The following BRINP3 variants were observed in gnomAD, a reference collection of about 807,000 sequenced individuals.
The protein encoded by BRINP3 is BMP/retinoic acid-inducible neural-specific protein 3.
A neutral mutation model predicts 71.0 loss-of-function variants in BRINP3; 19 were observed. The observed-to-expected ratio is 0.27, with a 90% CI of 0.19 to 0.39. The LOEUF (loss-of-function observed/expected upper bound fraction) is 0.39. BRINP3 is among the 10% of genes least tolerant of loss of function. BRINP3 has a pLI of 1.00. For missense variants in BRINP3, 959 were observed against 940.8 expected, an observed-to-expected ratio of 1.02 and a Z score of -0.25; for synonymous variants, 380 against 337.7, an observed-to-expected ratio of 1.13 and a Z score of -1.37.
chr1:190,208,516 A>T (rs974096211), intron 6 of BRINP3, among the ~76,000 whole-genome samples: 1 of 151,872 alleles, frequency 6.6e-6, no homozygotes, highest in Non-Finnish European at 1.5e-5. Context: ...TTTTTGAGAC[A>T]GTCTCTTGCT....
At chr1:190,390,415 C>A (rs898485725) in intron 2 of BRINP3, among the ~76,000 whole-genome samples, 18 of 151,772 alleles carry the variant, frequency 1.2e-4, no homozygotes, top group African/African-American at 4.1e-4. Flanking sequence ...GGGCAACCTT[C>A]CCCTCTGGGT....
intron 3 of BRINP3, 45 bp from the exon 4 acceptor site, chr1:190,265,100 C>A (rs767080734): frequency 6.6e-7 from 1 of 1,511,490 alleles, no homozygotes; most frequent in Admixed American, 2.1e-5. Flanking sequence ...CACTTAAAAT[C>A]TTTTTTTTTA....
chr1:190,160,203 T>C (rs184361603), intron 7 of BRINP3, among the ~76,000 whole-genome samples: 367 of 152,200 alleles, frequency 2.4e-3, no homozygotes, highest in Non-Finnish European at 4.5e-3. Context: ...GCTTTCATAG[T>C]AATTTTCAGA....
chr1:190,098,714 G>A lies in BRINP3; in HGVS notation c.1605C>T (p.Leu535=). 1 of 1,614,196 alleles carries A rather than the reference G, an allele frequency of 6.2e-7. No homozygotes were observed. Among genetic ancestry groups the A allele is most frequent in the Non-Finnish European group, 8.5e-7 (1 of 1,180,046 alleles). The change falls in exon 8 of 8, where the codon CTC becomes CTT. Residue 535 remains leucine (L), a synonymous_variant. Coordinates refer to ENST00000367462, the MANE Select transcript of BRINP3 (RefSeq NM_199051.3). ...FDPSWRKRML[L]TLKSNKYKSS... is the part of the protein sequence containing the mutation. Reference sequence around the variant, plus strand: ...ACTTGTACTTATTGCTCTTCAAGGTGAGGAGCATCCGCTTACGCCAGGAGG... The same window carrying A: ...ACTTGTACTTATTGCTCTTCAAGGTAAGGAGCATCCGCTTACGCCAGGAGG...
At chr1:190,434,364 C>T in intron 2 of BRINP3, among the ~76,000 whole-genome samples, 1 of 151,970 alleles carries the variant, frequency 6.6e-6, no homozygotes, top group South Asian at 2.1e-4. Context: ...CCCACCTTGG[C>T]TTCCCAAGGT....
intron 6 of BRINP3, 75 bp downstream of exon 6, chr1:190,226,006 GA>G: frequency 9.8e-7 from 1 of 1,017,908 alleles, no homozygotes. Flanking sequence ...ATAGTTTCTT[GA>G]AAAAGGACAA....
chr1:190,188,954 G>T (rs1466123377), intron 6 of BRINP3, among the ~76,000 whole-genome samples: 1 of 151,948 alleles, frequency 6.6e-6, no homozygotes, highest in Non-Finnish European at 1.5e-5. Flanking sequence ...GGAGATGGGG[G>T]TCTCACCTTA....
At chr1:190,392,049 T>G (rs980830892) in intron 2 of BRINP3, among the ~76,000 whole-genome samples, 4 of 59,952 alleles carry the variant, frequency 6.7e-5, no homozygotes, top group African/African-American at 2.1e-4. Flanking sequence ...AACAAGGGTT[T>G]AGCTTGGCCA....
At chr1:190,365,096 A>C (rs1400806133) in intron 2 of BRINP3, among the ~76,000 whole-genome samples, 1 of 152,174 alleles carries the variant, frequency 6.6e-6, no homozygotes, top group African/African-American at 2.4e-5. Context: ...ACATTAAAAG[A>C]TACTAACTAC....
chr1:190,156,218 T>A (rs1021695851), intron 7 of BRINP3, among the ~76,000 whole-genome samples: 1 of 152,126 alleles, frequency 6.6e-6, no homozygotes, highest in Non-Finnish European at 1.5e-5. Flanking sequence ...CTTTAATCTA[T>A]CTGTCATTAT....
At chr1:190,429,302 A>T (rs1673932484) in intron 2 of BRINP3, among the ~76,000 whole-genome samples, 1 of 152,198 alleles carries the variant, frequency 6.6e-6, no homozygotes, top group Non-Finnish European at 1.5e-5. Context: ...TTAAATGTAT[A>T]GCACTAGAAA....
intron 1 of BRINP3, among the ~76,000 whole-genome samples, chr1:190,468,346 CT>C (rs1351403491): frequency 2.6e-5 from 4 of 151,088 alleles, no homozygotes; most frequent in Admixed American, 1.3e-4. Flanking sequence ...AATTGATTTC[CT>C]TAATTAACAG....
intron 2 of BRINP3, among the ~76,000 whole-genome samples, chr1:190,444,007 C>T (rs977438142): frequency 6.6e-6 from 1 of 152,030 alleles, no homozygotes; most frequent in Non-Finnish European, 1.5e-5. Context: ...CTGAGGGTGG[C>T]AGATTACCTA....
At chr1:190,259,424 A>G (rs1338226267) in intron 4 of BRINP3, among the ~76,000 whole-genome samples, 2 of 151,844 alleles carry the variant, frequency 1.3e-5, no homozygotes, top group Non-Finnish European at 2.9e-5. Context: ...GCATTTGACA[A>G]AATCAACACA....
chr1:190,144,383 TG>T (rs1655708985), intron 7 of BRINP3, among the ~76,000 whole-genome samples: 2 of 152,052 alleles, frequency 1.3e-5, no homozygotes, highest in South Asian at 4.1e-4. Context: ...ATGATAGCCC[TG>T]GAATCTTGTT....
intron 7 of BRINP3, among the ~76,000 whole-genome samples, chr1:190,155,276 C>CATAATA (rs1324330946): frequency 1.3e-5 from 2 of 151,940 alleles, no homozygotes; most frequent in African/African-American, 2.4e-5. Context: ...TGAATAACTT[C>CATAATA]ATAATAATAA....
intron 2 of BRINP3, among the ~76,000 whole-genome samples, chr1:190,329,452 A>G (rs187023906): frequency 1.0e-3 from 155 of 152,152 alleles, no homozygotes; most frequent in African/African-American, 3.6e-3. Flanking sequence ...ACACAAAAAA[A>G]AAATACCTAG....
At chr1:190,173,695 A>T (rs2102506552) in intron 6 of BRINP3, among the ~76,000 whole-genome samples, 1 of 152,344 alleles carries the variant, frequency 6.6e-6, no homozygotes, top group Admixed American at 6.5e-5. Context: ...AGCATGTATG[A>T]TATTAAATAC....
chr1:190,190,191 C>T (rs897751465), intron 6 of BRINP3, among the ~76,000 whole-genome samples: 1 of 152,050 alleles, frequency 6.6e-6, no homozygotes, highest in Non-Finnish European at 1.5e-5. Context: ...CAGTTACTGG[C>T]TTGGAATAGG....
Sources: gnomAD v4.1 joint callset for allele counts (sites outside exome capture counted in the v4.1 genomes callset) on GRCh38, gnomAD v4.1.1 for gene constraint, MANE v1.5 for transcripts, NCBI Gene and HGNC (gene_info 2026-07-23, HGNC 2026-07-21) for gene names.